DLG2: variants seen among roughly 807,000 people sequenced by gnomAD.
DLG2 encodes disks large homolog 2.
A neutral mutation model predicts 132.5 loss-of-function variants in DLG2; 45 were observed. The ratio of observed to expected loss-of-function variants is 0.34; its 90% CI spans 0.27 to 0.44. The LOEUF (loss-of-function observed/expected upper bound fraction) is 0.44, where lower values mean the gene tolerates loss of function less well. DLG2 is among the 20% of genes least tolerant of loss of function. The pLI, the probability that DLG2 is intolerant of heterozygous loss-of-function variation, is 1.00. For synonymous variants in DLG2, 424 were observed against 419.6 expected (o/e 1.01, Z -0.13); for missense variants, 1,045 against 1,196.9 (o/e 0.87, Z 1.87).
At chr11:85,097,089 G>C (rs1763191194) in intron 6 of DLG2, among the ~76,000 whole-genome samples, 1 of 152,138 alleles carries the variant, frequency 6.6e-6, no homozygotes, top group African/African-American at 2.4e-5. Context: ...TCTGAGCCTT[G>C]CCTCCTGGGT....
At chr11:83,969,990 C>T (rs998577389) in intron 12 of DLG2, among the ~76,000 whole-genome samples, 3 of 149,804 alleles carry the variant, frequency 2.0e-5, no homozygotes, top group Non-Finnish European at 4.4e-5. Flanking sequence ...CTATGGCCCA[C>T]AAAAACATCT....
chr11:84,436,386 T>C (rs2099000859), intron 7 of DLG2, among the ~76,000 whole-genome samples: 1 of 152,152 alleles, frequency 6.6e-6, no homozygotes, highest in Non-Finnish European at 1.5e-5. Context: ...CAAGTTATAG[T>C]GAAGGCATCT....
At chr11:85,233,593 C>T (rs2075415920) in intron 4 of DLG2, among the ~76,000 whole-genome samples, 1 of 151,708 alleles carries the variant, frequency 6.6e-6, no homozygotes, top group African/African-American at 2.4e-5. Flanking sequence ...TTAGATTTTA[C>T]CAGAGATAAA....
chr11:83,997,226 T>G (rs568645229), intron 11 of DLG2, among the ~76,000 whole-genome samples: 1 of 152,282 alleles, frequency 6.6e-6, no homozygotes, highest in Non-Finnish European at 1.5e-5. Context: ...TTATGCTCAA[T>G]TCAGGCATTC....
intron 6 of DLG2, among the ~76,000 whole-genome samples, chr11:84,798,158 C>T (rs141624853): frequency 1.3e-5 from 2 of 152,282 alleles, no homozygotes; most frequent in East Asian, 3.9e-4. Context: ...TCCAAGACCA[C>T]TGTAACCACT....
At chr11:85,161,201 T>A (rs1213604670) in intron 4 of DLG2, among the ~76,000 whole-genome samples, 3 of 152,212 alleles carry the variant, frequency 2.0e-5, no homozygotes, top group African/African-American at 4.8e-5. Context: ...AATAATTAAG[T>A]GGATAGGATG....
At chr11:85,268,279 T>A (rs1276046739) in intron 4 of DLG2, among the ~76,000 whole-genome samples, 1 of 152,192 alleles carries the variant, frequency 6.6e-6, no homozygotes, top group Non-Finnish European at 1.5e-5. Context: ...TCTGATTGCC[T>A]TCTTTGGAAA....
intron 6 of DLG2, among the ~76,000 whole-genome samples, chr11:84,554,695 G>A (rs1227285860): frequency 1.3e-5 from 2 of 152,082 alleles, no homozygotes; most frequent in African/African-American, 4.8e-5. Context: ...GCGGTGAGCT[G>A]AGACTGAGTC....
chr11:83,936,348 A>G (rs1025450623), intron 14 of DLG2, among the ~76,000 whole-genome samples: 2 of 152,160 alleles, frequency 1.3e-5, no homozygotes, highest in African/African-American at 4.8e-5. Flanking sequence ...GTACTTCTCA[A>G]TTATTTTCAC....
At chr11:84,447,910 C>T (rs1231025307) in intron 7 of DLG2, among the ~76,000 whole-genome samples, 5 of 152,128 alleles carry the variant, frequency 3.3e-5, no homozygotes, top group East Asian at 3.9e-4. Context: ...TAGCTCCTCA[C>T]GAGCAATGTA....
intron 21 of DLG2, among the ~76,000 whole-genome samples, chr11:83,501,724 C>G (rs952013900): frequency 1.3e-5 from 2 of 152,098 alleles, no homozygotes; most frequent in African/African-American, 4.8e-5. Context: ...CCCCCAAATC[C>G]AGAGACTGAC....
intron 19 of DLG2, among the ~76,000 whole-genome samples, chr11:83,623,806 T>A (rs1240640670): frequency 1.3e-5 from 2 of 152,230 alleles, no homozygotes; most frequent in African/African-American, 4.8e-5. Context: ...CTAACCTACA[T>A]GATTGGCAGT....
rs754022766 is a variant in DLG2 at position 84,980,479 on chromosome 11, C to A, written c.357+131182G>T. Among the ~76,000 whole-genome samples, 202 of 152,132 alleles carry A rather than the reference C, an allele frequency of 1.3e-3. 2 individuals are homozygous for A. The highest frequency in any genetic ancestry group is 3.7e-3 in the Admixed American group (56 of 15,260). The stretch of plus-strand genomic sequence containing the variant: ...CACTGTATCCTAAAAAGGCTCATCA[C>A]TGCCATTCACTTACCCAGAATAAGA... On this transcript the variant is annotated intron_variant, in intron 6 of 27. Transcript: ENST00000376104.
chr11:85,135,585 G>C (rs1286493211), intron 5 of DLG2, among the ~76,000 whole-genome samples: 1 of 152,182 alleles, frequency 6.6e-6, no homozygotes, highest in Non-Finnish European at 1.5e-5. Context: ...GAGACTTGCA[G>C]AAATAAAACA....
intron 7 of DLG2, among the ~76,000 whole-genome samples, chr11:84,357,927 C>T (rs1337159317): frequency 1.3e-5 from 2 of 151,758 alleles, no homozygotes; most frequent in Admixed American, 1.3e-4. Context: ...AAGTTGGCCA[C>T]ATCTAGAATT....
intron 3 of DLG2, among the ~76,000 whole-genome samples, chr11:85,362,366 T>G (rs983320058): frequency 2.6e-5 from 4 of 152,238 alleles, no homozygotes; most frequent in South Asian, 4.1e-4. Flanking sequence ...TTGGGTTTTT[T>G]GGGTAGCTAT....
At chr11:84,872,633 G>A (rs2085653948) in intron 6 of DLG2, among the ~76,000 whole-genome samples, 1 of 151,196 alleles carries the variant, frequency 6.6e-6, no homozygotes, top group Non-Finnish European at 1.5e-5. Flanking sequence ...TGAGTTGGAT[G>A]TGCTTAGTTA....
At chr11:85,430,470 C>T (rs2091097955) in intron 3 of DLG2, among the ~76,000 whole-genome samples, 1 of 151,786 alleles carries the variant, frequency 6.6e-6, no homozygotes, top group African/African-American at 2.4e-5. Context: ...AGTCTAGGTA[C>T]AAAAATCATT....
intron 3 of DLG2, among the ~76,000 whole-genome samples, chr11:85,376,106 G>A (rs537212134): frequency 7.2e-5 from 11 of 152,062 alleles, no homozygotes; most frequent in South Asian, 6.2e-4. Flanking sequence ...GACAGTCTAC[G>A]AAAAACAAAA....
Sources: gnomAD v4.1 joint callset for allele counts (sites outside exome capture counted in the v4.1 genomes callset) on GRCh38, gnomAD v4.1.1 for gene constraint, MANE v1.5 for transcripts, NCBI Gene and HGNC (gene_info 2026-07-23, HGNC 2026-07-21) for gene names.